The following HLCS variants were observed in gnomAD, a reference collection of about 807,000 sequenced individuals.
HLCS encodes holocarboxylase synthetase, also known as biotin--protein ligase.
HLCS carries 53 observed loss-of-function variants against 75.0 expected under a neutral mutation model. The ratio of observed to expected loss-of-function variants is 0.71; its 90% CI spans 0.57 to 0.89. The LOEUF (loss-of-function observed/expected upper bound fraction) is 0.89. HLCS is among the 40% of genes least tolerant of loss of function. The pLI is 0.00. For missense variants in HLCS, 966 were observed against 1,074.0 expected (o/e 0.90, Z 1.41); for synonymous variants, 431 against 428.6 (o/e 1.01, Z -0.07).
chr21:36,936,472 C>A lies in HLCS; in HGVS notation c.1414G>T (p.Gly472Trp), dbSNP rs748444836. 37 of 1,614,022 alleles carry A rather than the reference C, an allele frequency of 2.3e-5. No homozygotes were observed. In the South Asian group the frequency reaches 3.4e-4, roughly 15 times the overall value. ...ACCTGGCAAAGAACAGCTTCTCCCC[C>A]GCGAGTTCCAAAAGGCACATGCACA... ...MIVHVPFGTR[G>W]GEAVLCQVHL... is the part of the protein sequence containing the mutation. Residue 472 changes from glycine (G) to tryptophan (W), a missense_variant, in exon 4 of 11, where the codon GGG (glycine) becomes TGG (tryptophan). Gly to Trp is a radical substitution (Grantham distance 184, BLOSUM62 -2). Coordinates refer to ENST00000674895, the MANE Select transcript of HLCS (RefSeq NM_001352514.2).
chr21:36,801,386 T>G (rs755167555), intron 6 of HLCS, among the ~76,000 whole-genome samples: 8 of 152,360 alleles, frequency 5.3e-5, no homozygotes, highest in Non-Finnish European at 1.0e-4. Flanking sequence ...CCACATTCTA[T>G]TATAACAATC....
intron 2 of HLCS, among the ~76,000 whole-genome samples, chr21:36,944,286 G>C (rs1245507099): frequency 1.3e-5 from 2 of 152,216 alleles, no homozygotes; most frequent in Non-Finnish European, 1.5e-5. Flanking sequence ...GATACATGCT[G>C]TATAATTCCA....
At chr21:36,834,513 C>T (rs940053446) in intron 6 of HLCS, among the ~76,000 whole-genome samples, 3 of 152,208 alleles carry the variant, frequency 2.0e-5, no homozygotes, top group African/African-American at 7.2e-5. Context: ...TGGCTGCTTT[C>T]AGTGGTCCCA....
At chr21:36,884,430 T>A (rs1457236274) in intron 6 of HLCS, among the ~76,000 whole-genome samples, 1 of 152,240 alleles carries the variant, frequency 6.6e-6, no homozygotes, top group Non-Finnish European at 1.5e-5. Flanking sequence ...CCTTGCCCAG[T>A]GGGAAACCAG....
intron 6 of HLCS, among the ~76,000 whole-genome samples, chr21:36,795,905 T>C (rs8130658): frequency 0.012 from 1,851 of 152,276 alleles, 31 homozygotes; most frequent in African/African-American, 0.041. Context: ...GGTCATTCAG[T>C]GGAAAAAAGA....
intron 4 of HLCS, among the ~76,000 whole-genome samples, chr21:36,935,161 T>C (rs1273310806): frequency 6.6e-6 from 1 of 152,188 alleles, no homozygotes; most frequent in Non-Finnish European, 1.5e-5. Context: ...GTCGGGTTTT[T>C]AAGTGGATTT....
chr21:36,979,975 G>GCAATCTTGTA (rs1193278943), intron 1 of HLCS, among the ~76,000 whole-genome samples: 1 of 126,484 alleles, frequency 7.9e-6, no homozygotes, highest in Admixed American at 9.9e-5. Context: ...GCAGTGAGCC[G>GCAATCTTGTA]CAATCACGCC....
chr21:36,754,096 CAAAACAAACCTA>C lies in HLCS; in HGVS notation c.*138_*149del. 1 of 908,330 alleles carries C rather than the reference CAAAACAAACCTA, an allele frequency of 1.1e-6. No individual in the cohort carries two copies. Among genetic ancestry groups the C allele is most frequent in the Non-Finnish European group, 1.7e-6 (1 of 596,254 alleles). The allele number at this position is 908,330 out of a possible 1,614,324, so 56.3% of individuals were successfully genotyped here. On this transcript the variant is annotated 3_prime_UTR_variant, in exon 11 of 11. Coordinates refer to ENST00000674895, the MANE Select transcript of HLCS (RefSeq NM_001352514.2). ...CTTCAAACACCAAAGAAAACGACAA[CAAAACAAACCTA>C]AAAACAAACAGAAACACAGAAAAAG... is the stretch of plus-strand genomic sequence containing the variant.
At chr21:36,888,443 AAAATATATAT>A (rs1189555322) in intron 6 of HLCS, among the ~76,000 whole-genome samples, 350 of 28,286 alleles carry the variant, frequency 0.012, 4 homozygotes, top group Non-Finnish European at 0.02. Context: ...AAAAAAAAAA[AAAATATATAT>A]ATATATATAT....
intron 2 of HLCS, among the ~76,000 whole-genome samples, chr21:36,958,252 A>AG (rs56025715): frequency 0.4 from 54,730 of 136,960 alleles, 10,779 homozygotes; most frequent in Admixed American, 0.49. Context: ...AAAAAAAAAA[A>AG]AAAAGAAAGA....
In HLCS at chr21:36,892,523, C is replaced by T. The variant is rs182003283; in HGVS notation, c.1892+4337G>A. On this transcript the variant is annotated intron_variant, in intron 6 of 10. Transcript: ENST00000674895. ...GTACATCCGGCCCTAAAAGAGAAAA[C>T]GGCACATCATCCAGAGATCCTGAAT... Among the ~76,000 whole-genome samples the T allele has an allele frequency of 8.5e-5, 13 of 152,248 alleles. No individual in the cohort carries two copies. In the East Asian group the frequency reaches 1.4e-3, roughly 16 times the overall value.
chr21:36,966,563 C>T lies in HLCS; in HGVS notation c.76G>A (p.Val26Met). Residue 26 changes from valine (V) to methionine (M), a missense_variant, in exon 1 of 11, where the codon GTG becomes ATG. Physicochemically the swap from Val to Met is conservative, Grantham distance 21. Coordinates refer to ENST00000674895, the MANE Select transcript of HLCS (RefSeq NM_001352514.2). Reference protein sequence around the residue: ...RRPAELVRATVRRLRASRCSF... With the variant: ...RRPAELVRATMRRLRASRCSF... Reference sequence around the variant, plus strand: ...CAGCGCGAGGCACGCAGCCGCCGCACCGTGGCGCGCACGAGCTCAGCCGGC... The same window carrying T: ...CAGCGCGAGGCACGCAGCCGCCGCATCGTGGCGCGCACGAGCTCAGCCGGC... 5 of 1,001,718 alleles carry T rather than the reference C, an allele frequency of 5.0e-6. No individual in the cohort carries two copies. The highest frequency in any genetic ancestry group is 3.6e-6 in the Non-Finnish European group (3 of 842,738). The allele number at this position is 1,001,718 out of a possible 1,614,324, so 62.1% of individuals were successfully genotyped here.
intron 6 of HLCS, among the ~76,000 whole-genome samples, chr21:36,854,471 A>G (rs887230640): frequency 6.6e-6 from 1 of 152,204 alleles, no homozygotes; most frequent in Non-Finnish European, 1.5e-5. Context: ...TGCAGACTGT[A>G]CAGATCCTTG....
At position 36,865,865 on chromosome 21, in the gene HLCS, T is replaced by G. The variant is rs1196084375; in HGVS notation, c.1892+30995A>C. Among the ~76,000 whole-genome samples, 3 of 152,204 alleles carry G rather than the reference T, an allele frequency of 2.0e-5. No individual in the cohort carries two copies. The East Asian group carries it at 5.8e-4, about 29-fold the overall frequency. ...CTCACATCTGGTATTGTACTCCATA[T>G]AAGGTGCTGAGTCCGATTTTTTAAT... On this transcript the variant is annotated intron_variant, in intron 6 of 10. Coordinates refer to ENST00000674895, the MANE Select transcript of HLCS (RefSeq NM_001352514.2).
chr21:36,854,518 T>C (rs2063120314), intron 6 of HLCS, among the ~76,000 whole-genome samples: 1 of 152,158 alleles, frequency 6.6e-6, no homozygotes, highest in African/African-American at 2.4e-5. Flanking sequence ...AGGCGCTGGT[T>C]TTCCTCCTGT....
intron 2 of HLCS, chr21:36,943,933 G>C (rs2067265637): frequency 6.6e-6 from 1 of 152,052 alleles, no homozygotes; most frequent in African/African-American, 2.4e-5. Flanking sequence ...AGATCATCAG[G>C]CACCCTCATT....
At chr21:36,925,286 A>C (rs920691357) in intron 5 of HLCS, among the ~76,000 whole-genome samples, 9 of 152,286 alleles carry the variant, frequency 5.9e-5, no homozygotes, top group African/African-American at 2.2e-4. Context: ...TCTTGATCCC[A>C]GCTGGACACA....
chr21:36,871,379 TAA>T (rs2063764537), intron 6 of HLCS, among the ~76,000 whole-genome samples: 1 of 152,146 alleles, frequency 6.6e-6, no homozygotes, highest in African/African-American at 2.4e-5. Flanking sequence ...ACTTTTTATA[TAA>T]TTTGAGCTAT....
chr21:36,820,048 C>G (rs566919281), intron 6 of HLCS, among the ~76,000 whole-genome samples: 2 of 152,336 alleles, frequency 1.3e-5, no homozygotes, highest in East Asian at 3.9e-4. Context: ...CACCAAAAGC[C>G]AGGCTGTGCG....
Sources: gnomAD v4.1 joint callset for allele counts (sites outside exome capture counted in the v4.1 genomes callset) on GRCh38, gnomAD v4.1.1 for gene constraint, MANE v1.5 for transcripts, NCBI Gene and HGNC (gene_info 2026-07-23, HGNC 2026-07-21) for gene names.